Variants in CSPG4 observed in about 807,000 individuals in gnomAD.
The protein encoded by CSPG4 is chondroitin sulfate proteoglycan 4.
Under a neutral mutation model 139.3 loss-of-function variants are expected in CSPG4, and 74 were observed. The observed-to-expected ratio is 0.53, with a 90% CI of 0.44 to 0.64. The LOEUF is 0.64. Among genes scored for constraint, CSPG4 ranks in the 30% least tolerant of loss-of-function variants. The pLI, the probability that CSPG4 is intolerant of heterozygous loss-of-function variation, is 0.00. For synonymous variants in CSPG4, 1,234 were observed against 1,394.2 expected, an observed-to-expected ratio of 0.89 and a Z score of 2.56; for missense variants, 2,565 against 3,148.3, an observed-to-expected ratio of 0.81 and a Z score of 4.43.
rs1430542458 is a variant in CSPG4 at position 75,698,021 on chromosome 15, A to G, written c.89-4788T>C. On this transcript the variant is annotated intron_variant, in intron 1 of 9. Transcript: ENST00000308508. This position sits in a 1 kb window ranked among gnomAD's most constrained non-coding sequence, Gnocchi z 4.3. Reference sequence around the variant, plus strand: ...GACCAAGGCCTGAGGAAGGAGACGGAGGAGGAAAACTCGAGGGAGACAGAG... The same window carrying G: ...GACCAAGGCCTGAGGAAGGAGACGGGGGAGGAAAACTCGAGGGAGACAGAG... 6.6e-6 allele frequency among the ~76,000 whole-genome samples: 1 copy of G among 152,224 alleles called. No homozygotes were observed. The highest frequency in any genetic ancestry group is 1.9e-4 in the East Asian group (1 of 5,194).
Position 75,687,282 on chromosome 15 carries a change from C to G in CSPG4, c.3783G>C (p.Gln1261His). 6.2e-7 allele frequency: 1 copy of G among 1,610,708 alleles called. No individual in the cohort carries two copies. Among genetic ancestry groups the G allele is most frequent in the Non-Finnish European group, 8.5e-7 (1 of 1,179,908 alleles). ...QGEAAEIRRD[Q>H]LEAAQEAVPP... ...ACCACCTCCAACTCCTCACCTCCAGCTGGTCCCTTCTGATCTCAGCTGCCT... is the reference window on the plus strand; with the variant it reads ...ACCACCTCCAACTCCTCACCTCCAGGTGGTCCCTTCTGATCTCAGCTGCCT... The change falls in exon 3 of 10, where the codon CAG (glutamine) becomes CAC (histidine). Residue 1261 changes from glutamine (Q) to histidine (H), a missense_variant. This residue lies in a region of CSPG4 where 2,316 missense variants were observed against 2,818.2 expected (regional missense o/e 0.82). Transcript: ENST00000308508. The surrounding 1 kb of genome is among the most constrained non-coding windows in gnomAD (Gnocchi z 5.4).
At position 75,706,135 on chromosome 15, in the gene CSPG4, G is replaced by A. The variant is rs1894368220; in HGVS notation, c.88+6533C>T. Reference sequence around the variant, plus strand: ...CGGGTGTCGTGGGAATCAGTGTCCTGGTCCCACTGGTATTTATAGCTGCCC... The same window carrying A: ...CGGGTGTCGTGGGAATCAGTGTCCTAGTCCCACTGGTATTTATAGCTGCCC... On this transcript the variant is annotated intron_variant, in intron 1 of 9. Transcript: ENST00000308508. Among the ~76,000 whole-genome samples the A allele has an allele frequency of 1.3e-5, 2 of 152,200 alleles. 1 individual carries two copies. Among genetic ancestry groups the A allele is most frequent in the South Asian group, 4.1e-4 (2 of 4,834 alleles).
At chr15:75,707,556 C>A (rs1279548810) in intron 1 of CSPG4, among the ~76,000 whole-genome samples, 3 of 152,198 alleles carry the variant, frequency 2.0e-5, no homozygotes, top group Non-Finnish European at 2.9e-5. Context: ...GCAGGAGAGG[C>A]CACACAGCCC....
Position 75,688,301 on chromosome 15 carries a change from G to A in CSPG4, c.2764C>T (p.Leu922Phe), listed in dbSNP as rs1244816278. The change falls in exon 3 of 10, where the codon CTC (leucine) becomes TTC (phenylalanine). Residue 922 changes from leucine to phenylalanine, a missense_variant. Leu to Phe is a conservative substitution (Grantham distance 22). Coordinates refer to ENST00000308508, the MANE Select transcript of CSPG4 (RefSeq NM_001897.5). ...GGEGVLSADH[L>F]FVKSLNSASY... ...GCACTGTTGAGACTCTTGACAAAGA[G>A]GTGGTCAGCAGAGAGGACACCCTCA... 6.2e-7 allele frequency: 1 copy of A among 1,613,198 alleles called. No individual in the cohort carries two copies. The highest frequency in any genetic ancestry group is 8.5e-7 in the Non-Finnish European group (1 of 1,180,040).
intron 1 of CSPG4, among the ~76,000 whole-genome samples, chr15:75,708,416 G>C (rs11072560): frequency 3.1e-4 from 40 of 130,378 alleles, no homozygotes; most frequent in South Asian, 2.8e-4. Flanking sequence ...CCTAGCTTTG[G>C]GGGGAGAGGG....
Position 75,684,906 on chromosome 15 carries a change from C to T in CSPG4, c.4279G>A (p.Glu1427Lys). ...TCATGCACGTAGCGGATCAGCTGCT[C>T]TTCCACCTAGGGGCAGGCCCAGGGC... ...LSAFSWRMVE[E>K]QLIRYVHDGS... The change falls in exon 5 of 10, where the codon GAG becomes AAG. Residue 1427 changes from glutamate (E) to lysine (K), a missense_variant. Around this residue, in one of 5 missense-constraint regions of CSPG4, gnomAD observed 2,316 missense variants for 2,818.2 expected, o/e 0.82. Transcript: ENST00000308508. 5 of 1,608,392 alleles carry T rather than the reference C, an allele frequency of 3.1e-6. No individual in the cohort carries two copies. The highest frequency in any genetic ancestry group is 4.3e-6 in the Non-Finnish European group (5 of 1,175,668).
chr15:75,695,556 CT>C (rs1318952071), intron 1 of CSPG4, among the ~76,000 whole-genome samples: 1 of 152,216 alleles, frequency 6.6e-6, no homozygotes, highest in Non-Finnish European at 1.5e-5. Flanking sequence ...GCTCTGGAAA[CT>C]CTGACAGCGC....
Position 75,687,854 on chromosome 15 carries a change from C to T in CSPG4, c.3211G>A (p.Val1071Ile), listed in dbSNP as rs143544297. 1.8e-4 allele frequency: 287 copies of T among 1,612,910 alleles called. 4 individuals are homozygous for T. The Middle Eastern group carries it at 6.3e-3, about 35-fold the overall frequency. The change falls in exon 3 of 10, where the codon GTA becomes ATA. Residue 1071 changes from valine to isoleucine, a missense_variant. Physicochemically the swap from Val to Ile is conservative, Grantham distance 29 (BLOSUM62 3). Transcript: ENST00000308508. This position sits in a 1 kb window ranked among gnomAD's most constrained non-coding sequence, Gnocchi z 5.4. Reference sequence around the variant, plus strand: ...TAGATGGGCCGCGTGGGCTCATCTACGGCCACGATACTGCCAAAGAGGAGG... The same window carrying T: ...TAGATGGGCCGCGTGGGCTCATCTATGGCCACGATACTGCCAAAGAGGAGG... The part of the protein sequence containing the change: ...KDLLFGSIVA[V>I]DEPTRPIYRF...
Position 75,687,411 on chromosome 15 carries a change from C to T in CSPG4, c.3654G>A (p.Gly1218=). ...RDTMAFSVEA[G]PVHTDATLQV... is the part of the protein sequence containing the mutation. ...GTAGGGTGGCATCCGTGTGCACTGG[C>T]CCTGCTTCCACGGAGAAGGCCATGG... is the stretch of plus-strand genomic sequence containing the variant. Residue 1218 remains glycine, a synonymous_variant, in exon 3 of 10, where the codon GGG becomes GGA. Coordinates refer to ENST00000308508, the MANE Select transcript of CSPG4 (RefSeq NM_001897.5). The surrounding 1 kb of genome is among the most constrained non-coding windows in gnomAD (Gnocchi z 5.4). 1.7e-5 allele frequency: 28 copies of T among 1,612,924 alleles called. No homozygotes were observed. The highest frequency in any genetic ancestry group is 2.4e-5 in the Non-Finnish European group (28 of 1,179,986).
At position 75,685,405 on chromosome 15, in the gene CSPG4, C is replaced by T. The variant is rs570160647; in HGVS notation, c.4086G>A (p.Ala1362=). The change falls in exon 4 of 10, where the codon GCG becomes GCA. Residue 1362 remains alanine (A), a synonymous_variant. Transcript: ENST00000308508. ...CACCCTCAGGGACGCTGAAGTTTTG[C>T]GCCTCTAGTGGGATGGCAGCGGGCA... ...EVLPAAIPLE[A]QNFSVPEGGS... is the part of the protein sequence containing the mutation. The T allele has an allele frequency of 2.3e-4, 374 of 1,611,100 alleles. 1 individual carries two copies. In the South Asian group the frequency reaches 3.8e-3, roughly 16 times the overall value.
At chr15:75,695,537 C>CT (rs1364768973) in intron 1 of CSPG4, among the ~76,000 whole-genome samples, 1 of 152,158 alleles carries the variant, frequency 6.6e-6, no homozygotes, top group Non-Finnish European at 1.5e-5. Flanking sequence ...TGAGGCCTTG[C>CT]TGGCCAGGGC....
intron 1 of CSPG4, among the ~76,000 whole-genome samples, chr15:75,700,774 T>G (rs1402264852): frequency 6.6e-6 from 1 of 151,958 alleles, no homozygotes; most frequent in African/African-American, 2.4e-5. Context: ...GGTCTGGAGA[T>G]AGTGAGTGTG....
intron 1 of CSPG4, 105 bp from the exon 2 acceptor site, chr15:75,693,338 G>T: frequency 1.8e-6 from 2 of 1,132,312 alleles, no homozygotes; most frequent in South Asian, 1.6e-5. Flanking sequence ...CCGTGCTGGC[G>T]CACCCTCATG....
At chr15:75,712,853 C>A (rs117619229), upstream of CSPG4, 15,194 of 1,048,248 alleles carry the variant, frequency 0.014, 185 homozygotes, top group East Asian at 0.064. Flanking sequence ...GGGCGCGGGC[C>A]GGCTCCGGGT....
At chr15:75,702,823 C>T (rs577653472) in intron 1 of CSPG4, among the ~76,000 whole-genome samples, 58 of 152,012 alleles carry the variant, frequency 3.8e-4, no homozygotes, top group African/African-American at 1.2e-3. Context: ...AGACAGAAGA[C>T]GGATGGGGTT....
At position 75,690,332 on chromosome 15, in the gene CSPG4, C is replaced by T. The variant is rs763763858; in HGVS notation, c.733G>A (p.Gly245Ser). The T allele has an allele frequency of 1.9e-6, 3 of 1,612,490 alleles. No individual in the cohort carries two copies. The highest frequency in any genetic ancestry group is 2.5e-6 in the Non-Finnish European group (3 of 1,179,710). ...RQAPLAFQAG[G>S]RRGDFIYVDI... is the part of the protein sequence containing the mutation. ...ACATAGATGAAGTCCCCACGCCGGC[C>T]CCCTGCCTGGAAGGCCAAGGGTGCC... The change falls in exon 3 of 10, where the codon GGC (glycine) becomes AGC (serine). Residue 245 changes from glycine to serine, a missense_variant. Coordinates refer to ENST00000308508, the MANE Select transcript of CSPG4 (RefSeq NM_001897.5).
rs1274850753 is a variant in CSPG4, at chr15:75,684,728, G to C, written c.4449+8C>G. The C allele has an allele frequency of 1.2e-6, 2 of 1,608,812 alleles. No homozygotes were observed. Among genetic ancestry groups the C allele is most frequent in the African/African-American group, 2.7e-5 (2 of 74,866 alleles). On this transcript the variant is annotated splice_region_variant and intron_variant, in intron 5 of 9. Transcript: ENST00000308508. ...CAGACATGGGGGTGTTCCCAGGGATGCTCTCACCTGCAGGCCTGTGTTTGT... is the reference window on the plus strand; with the variant it reads ...CAGACATGGGGGTGTTCCCAGGGATCCTCTCACCTGCAGGCCTGTGTTTGT...
chr15:75,690,348 C>T lies in CSPG4; in HGVS notation c.717G>A (p.Leu239=). Residue 239 remains leucine (L), a synonymous_variant, in exon 3 of 10, where the codon TTG becomes TTA. Transcript: ENST00000308508. ...CACGCCGGCCCCCTGCCTGGAAGGC[C>T]AAGGGTGCCTGCCGGCTCTGTGTGG... The part of the protein sequence containing the change: ...TLTTQSRQAP[L]AFQAGGRRGD... The T allele has an allele frequency of 6.2e-7, 1 of 1,612,092 alleles. No homozygotes were observed. Among genetic ancestry groups the T allele is most frequent in the Non-Finnish European group, 8.5e-7 (1 of 1,179,622 alleles).
rs147134901 is a variant in CSPG4 at position 75,687,442 on chromosome 15, C to A, written c.3623G>T (p.Arg1208Leu). ...TTCCACGGAGAAGGCCATGGTGTCG[C>A]GGGGGCTGAGGCTGCCATTGTGGCT... ...LYSHNGSLSP[R>L]DTMAFSVEAG... Residue 1208 changes from arginine to leucine, a missense_variant, in exon 3 of 10, where the codon CGC becomes CTC. Around this residue, in one of 5 missense-constraint regions of CSPG4, gnomAD observed 2,316 missense variants for 2,818.2 expected, o/e 0.82. Coordinates refer to ENST00000308508, the MANE Select transcript of CSPG4 (RefSeq NM_001897.5). The surrounding 1 kb of genome is among the most constrained non-coding windows in gnomAD (Gnocchi z 5.4). The A allele has an allele frequency of 1.2e-6, 2 of 1,612,392 alleles. No homozygotes were observed. The highest frequency in any genetic ancestry group is 1.3e-5 in the African/African-American group (1 of 74,910).
Sources: gnomAD v4.1 joint callset for allele counts (sites outside exome capture counted in the v4.1 genomes callset) on GRCh38, gnomAD v4.1.1 for gene constraint, gnomAD v4.1.1 regional missense constraint, Gnocchi (gnomAD v3.1) non-coding constraint, MANE v1.5 for transcripts, NCBI Gene and HGNC (gene_info 2026-07-23, HGNC 2026-07-21) for gene names.